The following AMPH variants were observed in gnomAD, a reference collection of about 807,000 sequenced individuals.
The protein encoded by AMPH is amphiphysin, also known as amphiphysin (Stiff-Mann syndrome with breast cancer 128kD autoantigen).
AMPH carries 49 observed loss-of-function variants against 99.1 expected under a neutral mutation model. The observed-to-expected ratio is 0.49, with a 90% CI of 0.39 to 0.63. The LOEUF (loss-of-function observed/expected upper bound fraction) is 0.63, where lower values mean the gene tolerates loss of function less well. Ranked by LOEUF, AMPH falls within the 20% of genes least tolerant of loss-of-function variation. AMPH has a pLI of 0.00. For missense variants in AMPH, 759 were observed against 863.4 expected (o/e 0.88, Z 1.52); for synonymous variants, 314 against 317.3 (o/e 0.99, Z 0.11).
intron 1 of AMPH, among the ~76,000 whole-genome samples, chr7:38,564,200 T>A (rs916061100): frequency 6.6e-6 from 1 of 152,320 alleles, no homozygotes; most frequent in African/African-American, 2.4e-5. Context: ...AGGGTTTAGA[T>A]GCTGTGTAGT....
At chr7:38,400,811 G>A in intron 17 of AMPH, among the ~76,000 whole-genome samples, 1 of 152,314 alleles carries the variant, frequency 6.6e-6, no homozygotes, top group Non-Finnish European at 1.5e-5. Context: ...TGGTCGGGAT[G>A]AGACAATTGA....
chr7:38,483,449 T>C (rs1788369992), intron 5 of AMPH, among the ~76,000 whole-genome samples: 1 of 152,156 alleles, frequency 6.6e-6, no homozygotes, highest in Non-Finnish European at 1.5e-5. Flanking sequence ...CTTCTATCTA[T>C]GCAGGGAAAG....
At chr7:38,423,478 A>G (rs1031444700) in intron 15 of AMPH, among the ~76,000 whole-genome samples, 2 of 152,218 alleles carry the variant, frequency 1.3e-5, no homozygotes, top group Non-Finnish European at 2.9e-5. Context: ...TTGGTTGAAG[A>G]TGGTGTTTTG....
At chr7:38,564,139 G>A (rs1469547212) in intron 1 of AMPH, among the ~76,000 whole-genome samples, 1 of 152,182 alleles carries the variant, frequency 6.6e-6, no homozygotes, top group Non-Finnish European at 1.5e-5. Context: ...AATTAAATGT[G>A]TAGTTGAAGT....
At position 38,585,331 on chromosome 7, in the gene AMPH, A is replaced by G. The variant is rs1379772075; in HGVS notation, c.69+45952T>C. On this transcript the variant is annotated intron_variant, in intron 1 of 20. Coordinates refer to ENST00000356264, the MANE Select transcript of AMPH (RefSeq NM_001635.4). ...TACTCTGAGAAAGAAGGGAACAAGT[A>G]TCCTTTCTCCAGTTGGCAGGACATA... 2.6e-5 allele frequency among the ~76,000 whole-genome samples: 4 copies of G among 152,188 alleles called. No individual in the cohort carries two copies. The East Asian group carries it at 7.7e-4, about 29-fold the overall frequency.
intron 11 of AMPH, among the ~76,000 whole-genome samples, chr7:38,448,189 C>T (rs1786864640): frequency 6.6e-6 from 1 of 152,304 alleles, no homozygotes; most frequent in East Asian, 1.9e-4. Flanking sequence ...AACAAGATTG[C>T]TCCAGATGGG....
chr7:38,422,519 A>T (rs1484203189), intron 15 of AMPH, 42 bp from the exon 16 acceptor site: 2 of 1,485,616 alleles, frequency 1.3e-6, no homozygotes, highest in Admixed American at 3.4e-5. Flanking sequence ...TTTTAAAGAT[A>T]TTTAAATCAG....
At chr7:38,457,768 A>C (rs888502995) in intron 11 of AMPH, among the ~76,000 whole-genome samples, 8 of 152,226 alleles carry the variant, frequency 5.3e-5, no homozygotes, top group Non-Finnish European at 7.4e-5. Context: ...CAGACTATGT[A>C]CTAAGGCAAA....
chr7:38,449,454 A>G (rs1786921389), intron 11 of AMPH, among the ~76,000 whole-genome samples: 5 of 152,232 alleles, frequency 3.3e-5, no homozygotes, highest in Admixed American at 3.3e-4. Context: ...GACCTTGCAG[A>G]AAGATATTTA....
intron 1 of AMPH, among the ~76,000 whole-genome samples, chr7:38,548,901 T>G (rs1791085883): frequency 6.6e-6 from 1 of 152,208 alleles, no homozygotes; most frequent in Admixed American, 6.5e-5. Flanking sequence ...GCCAGTGCCA[T>G]GTTGTCTGCT....
chr7:38,516,937 C>T (rs1440668351), intron 2 of AMPH, among the ~76,000 whole-genome samples: 9 of 152,166 alleles, frequency 5.9e-5, no homozygotes, highest in South Asian at 2.1e-4. Flanking sequence ...GCATGGGGCC[C>T]ATAGCCCCTT....
At chr7:38,534,058 C>T (rs935138381) in intron 2 of AMPH, among the ~76,000 whole-genome samples, 2 of 152,106 alleles carry the variant, frequency 1.3e-5, no homozygotes, top group African/African-American at 4.8e-5. Flanking sequence ...TTGTCATCTC[C>T]CCAAGGAGTC....
chr7:38,486,319 C>T (rs1366162671), intron 5 of AMPH, among the ~76,000 whole-genome samples: 1 of 151,210 alleles, frequency 6.6e-6, no homozygotes, highest in African/African-American at 2.4e-5. Flanking sequence ...TATATACTGG[C>T]AAACTGAATA....
intron 1 of AMPH, among the ~76,000 whole-genome samples, chr7:38,555,279 G>A (rs1791324692): frequency 6.6e-6 from 1 of 151,990 alleles, no homozygotes; most frequent in South Asian, 2.1e-4. Flanking sequence ...AGCCAAGCAT[G>A]GAGGCTTACA....
chr7:38,591,716 C>T (rs930499581), intron 1 of AMPH, among the ~76,000 whole-genome samples: 11 of 152,310 alleles, frequency 7.2e-5, no homozygotes, highest in African/African-American at 1.9e-4. Context: ...AACCAAACTG[C>T]GGACAAGCCT....
intron 3 of AMPH, among the ~76,000 whole-genome samples, chr7:38,500,360 A>C (rs1364067169): frequency 6.6e-6 from 1 of 152,228 alleles, no homozygotes; most frequent in Non-Finnish European, 1.5e-5. Context: ...GTCAATCAGC[A>C]AACCCAAGAT....
chr7:38,487,530 G>T (rs927475542), intron 5 of AMPH, among the ~76,000 whole-genome samples: 2 of 152,072 alleles, frequency 1.3e-5, no homozygotes, highest in African/African-American at 4.8e-5. Flanking sequence ...ACTCAAGATA[G>T]ATTAAAGACT....
chr7:38,508,488 G>A (rs778950023), intron 2 of AMPH, among the ~76,000 whole-genome samples: 1 of 152,092 alleles, frequency 6.6e-6, no homozygotes, highest in Non-Finnish European at 1.5e-5. Flanking sequence ...TATCACACAC[G>A]GTATGGAAAA....
At chr7:38,597,413 G>C (rs2129060175) in intron 1 of AMPH, among the ~76,000 whole-genome samples, 1 of 152,230 alleles carries the variant, frequency 6.6e-6, no homozygotes, top group African/African-American at 2.4e-5. Context: ...ATTTGACCTA[G>C]ATGCCTCTGA....
Sources: allele counts gnomAD v4.1 joint callset (sites outside exome capture counted in the v4.1 genomes callset), GRCh38; gene constraint gnomAD v4.1.1; transcripts MANE v1.5; gene names NCBI Gene and HGNC (gene_info 2026-07-23, HGNC 2026-07-21).